The following ADGRB3 variants were observed in gnomAD, a reference collection of about 807,000 sequenced individuals.
The protein encoded by ADGRB3 is adhesion G protein-coupled receptor B3.
A neutral mutation model predicts 193.4 loss-of-function variants in ADGRB3; 37 were observed. The observed-to-expected ratio is 0.19, with a 90% CI of 0.15 to 0.25. The LOEUF (loss-of-function observed/expected upper bound fraction) is 0.25. Ranked by LOEUF, ADGRB3 falls within the 10% of genes least tolerant of loss-of-function variation. The pLI is 1.00. For synonymous variants in ADGRB3, 690 were observed against 644.2 expected (o/e 1.07, Z -1.08); for missense variants, 1,637 against 1,852.9 (o/e 0.88, Z 2.14).
chr6:68,790,702 C>T (rs190178449), intron 3 of ADGRB3, among the ~76,000 whole-genome samples: 1 of 152,214 alleles, frequency 6.6e-6, no homozygotes, highest in South Asian at 2.1e-4. Context: ...CTCTAGCAAA[C>T]TCCAACAGAC....
intron 3 of ADGRB3, among the ~76,000 whole-genome samples, chr6:68,762,922 T>C (rs1174615085): frequency 6.6e-6 from 1 of 152,216 alleles, no homozygotes; most frequent in African/African-American, 2.4e-5. Flanking sequence ...AGATTTAAAG[T>C]AATTTATTAA....
At position 68,912,516 on chromosome 6, in the gene ADGRB3, C is replaced by T. The variant is rs369857964; in HGVS notation, c.758-18043C>T. On this transcript the variant is annotated intron_variant, in intron 3 of 31. Coordinates refer to ENST00000370598, the MANE Select transcript of ADGRB3 (RefSeq NM_001704.3). ...TATATCTCCTAATGCTATCCCTCCCCGCTCCCTCCACCCCACAACAGTCCC... is the reference window on the plus strand; with the variant it reads ...TATATCTCCTAATGCTATCCCTCCCTGCTCCCTCCACCCCACAACAGTCCC... 1.4e-4 allele frequency among the ~76,000 whole-genome samples: 21 copies of T among 152,116 alleles called. No individual in the cohort carries two copies. In the East Asian group the frequency reaches 1.6e-3, roughly 11 times the overall value.
At chr6:68,903,771 G>C (rs764428166) in intron 3 of ADGRB3, among the ~76,000 whole-genome samples, 1 of 151,922 alleles carries the variant, frequency 6.6e-6, no homozygotes, top group African/African-American at 2.4e-5. Flanking sequence ...CTTTGAGTGG[G>C]AAGCCGAGGT....
chr6:69,260,154 C>T lies in ADGRB3; in HGVS notation c.2814+20928C>T, dbSNP rs7758720. On this transcript the variant is annotated intron_variant, in intron 20 of 31. Transcript: ENST00000370598. ...GAATCGAAGATTTGAAGGAGGAACA[C>T]ATTAACAGTCAATTTTCTATTAAAA... 3.3e-3 allele frequency among the ~76,000 whole-genome samples: 496 copies of T among 152,264 alleles called. 1 individual carries two copies. The highest frequency in any genetic ancestry group is 0.011 in the African/African-American group (469 of 41,550).
At chr6:69,295,000 C>T (rs1053714687) in intron 20 of ADGRB3, among the ~76,000 whole-genome samples, 2 of 152,144 alleles carry the variant, frequency 1.3e-5, no homozygotes, top group Non-Finnish European at 2.9e-5. Context: ...TCTGTCATTT[C>T]TGTTTCTGTG....
At chr6:69,192,690 A>T (rs946556845) in intron 17 of ADGRB3, among the ~76,000 whole-genome samples, 1 of 152,168 alleles carries the variant, frequency 6.6e-6, no homozygotes, top group Non-Finnish European at 1.5e-5. Context: ...TTGTGTGTAT[A>T]GTAGTGATTT....
chr6:69,340,129 A>G (rs1768944730), intron 26 of ADGRB3, among the ~76,000 whole-genome samples: 2 of 152,176 alleles, frequency 1.3e-5, no homozygotes, highest in Admixed American at 6.6e-5. Context: ...CTGTAGAGGT[A>G]TTATCATATC....
intron 17 of ADGRB3, among the ~76,000 whole-genome samples, chr6:69,197,099 T>C (rs1649385315): frequency 6.6e-6 from 1 of 152,076 alleles, no homozygotes; most frequent in African/African-American, 2.4e-5. Flanking sequence ...CATTATATTA[T>C]TCATATTAAT....
At chr6:68,888,542 T>TACACACACACACACACACAC (rs5877179) in intron 3 of ADGRB3, among the ~76,000 whole-genome samples, 1 of 146,068 alleles carries the variant, frequency 6.8e-6, no homozygotes, top group Non-Finnish European at 1.5e-5. Context: ...GGGTAATAGA[T>TACACACACACACACACACAC]ACACACACAC....
In ADGRB3 at chr6:69,295,164, G is replaced by A. The variant is rs554347311; in HGVS notation, c.2815-29708G>A. ...AGCCAAGTTTCAATTATCCGTGTCAGTAGATTCGGTGATCTTTGAATCCAT... is the reference window on the plus strand; with the variant it reads ...AGCCAAGTTTCAATTATCCGTGTCAATAGATTCGGTGATCTTTGAATCCAT... On this transcript the variant is annotated intron_variant, in intron 20 of 31. Coordinates refer to ENST00000370598, the MANE Select transcript of ADGRB3 (RefSeq NM_001704.3). Among the ~76,000 whole-genome samples the A allele has an allele frequency of 5.3e-5, 8 of 152,292 alleles. No individual in the cohort carries two copies. The South Asian group carries it at 1.7e-3, about 32-fold the overall frequency.
At chr6:68,869,567 G>A (rs1444232937) in intron 3 of ADGRB3, among the ~76,000 whole-genome samples, 1 of 152,066 alleles carries the variant, frequency 6.6e-6, no homozygotes, top group Non-Finnish European at 1.5e-5. Flanking sequence ...AGCCAAATTA[G>A]TTAATTCAAA....
intron 3 of ADGRB3, among the ~76,000 whole-genome samples, chr6:68,793,212 C>T (rs932552658): frequency 7.9e-5 from 12 of 152,186 alleles, no homozygotes; most frequent in Middle Eastern, 3.4e-3. Flanking sequence ...CTCAGGGTTA[C>T]GCTGGCATAT....
rs1766264629 is a variant in ADGRB3, at chr6:69,236,248, T to C, written c.2711+1113T>C. On this transcript the variant is annotated intron_variant, in intron 19 of 31. Transcript: ENST00000370598. ...TTGTCAAAGTTATGAAGAGTTTTTA[T>C]GCTTCATACAAAAGTAAAAATTATG... Among the ~76,000 whole-genome samples the C allele has an allele frequency of 1.3e-5, 2 of 152,024 alleles. 1 individual carries two copies. Among genetic ancestry groups the C allele is most frequent in the South Asian group, 4.1e-4 (2 of 4,830 alleles).
intron 5 of ADGRB3, among the ~76,000 whole-genome samples, chr6:68,943,005 A>T (rs535905397): frequency 4.6e-5 from 7 of 152,306 alleles, no homozygotes; most frequent in African/African-American, 1.4e-4. Flanking sequence ...TTTAAGATCA[A>T]TTGTGAATTC....
intron 13 of ADGRB3, among the ~76,000 whole-genome samples, chr6:69,019,958 A>G (rs1489037126): frequency 1.3e-5 from 2 of 152,040 alleles, no homozygotes; most frequent in Non-Finnish European, 2.9e-5. Flanking sequence ...ATGTCTGTGG[A>G]AAAGGTTTAG....
At chr6:69,233,013 C>T (rs977142064) in intron 17 of ADGRB3, 3 of 457,442 alleles carry the variant, frequency 6.6e-6, no homozygotes, top group African/African-American at 2.0e-5. Flanking sequence ...TGCTGTTCCT[C>T]GCATAGGGCT....
intron 3 of ADGRB3, among the ~76,000 whole-genome samples, chr6:68,653,533 C>A (rs1582099839): frequency 6.6e-6 from 1 of 152,040 alleles, no homozygotes; most frequent in Admixed American, 6.6e-5. Context: ...TAGCAAAGCA[C>A]TCTAGAACCC....
intron 3 of ADGRB3, among the ~76,000 whole-genome samples, chr6:68,891,072 G>A (rs1437349115): frequency 6.6e-6 from 1 of 152,160 alleles, no homozygotes; most frequent in Admixed American, 6.6e-5. Flanking sequence ...TCATAATTGT[G>A]GCAGAGGACA....
At chr6:68,636,336 A>G (rs377506477) in intron 1 of ADGRB3, among the ~76,000 whole-genome samples, 45 of 152,046 alleles carry the variant, frequency 3.0e-4, no homozygotes, top group Admixed American at 7.9e-4. Context: ...TGGGGGGAAA[A>G]ATCTGTGGAG....
Sources: allele counts gnomAD v4.1 joint callset (sites outside exome capture counted in the v4.1 genomes callset), GRCh38; gene constraint gnomAD v4.1.1; transcripts MANE v1.5; gene names NCBI Gene and HGNC (gene_info 2026-07-23, HGNC 2026-07-21).